Variants in MYO3A observed in about 807,000 individuals in gnomAD.
MYO3A encodes the protein myosin-IIIa.
MYO3A carries 180 observed loss-of-function variants against 192.7 expected under a neutral mutation model. That is an observed-to-expected ratio of 0.93 (90% CI 0.83 to 1.06). MYO3A has a LOEUF of 1.06. Among genes scored for constraint, MYO3A ranks in the 50% least tolerant of loss-of-function variants. The pLI is 0.00. For missense variants in MYO3A, 1,896 were observed against 1,905.0 expected (o/e 1.00, Z 0.09); for synonymous variants, 628 against 645.3 (o/e 0.97, Z 0.41).
chr10:25,948,143 A>C (rs1280406672), intron 2 of MYO3A, among the ~76,000 whole-genome samples: 1 of 152,146 alleles, frequency 6.6e-6, no homozygotes, highest in East Asian at 1.9e-4. Context: ...CTGGAGAAAG[A>C]GCATTCTAGG....
chr10:26,156,300 A>G (rs1841104944), intron 25 of MYO3A, among the ~76,000 whole-genome samples: 1 of 152,206 alleles, frequency 6.6e-6, no homozygotes, highest in Non-Finnish European at 1.5e-5. Context: ...TTATGACTGT[A>G]GGCTCTTACA....
At chr10:26,030,816 G>A (rs1384668959) in intron 10 of MYO3A, among the ~76,000 whole-genome samples, 1 of 152,186 alleles carries the variant, frequency 6.6e-6, no homozygotes, top group East Asian at 1.9e-4. Flanking sequence ...AAACTTCCTT[G>A]TTGAGGAAAA....
chr10:26,134,977 A>G (rs1414989895), intron 20 of MYO3A, among the ~76,000 whole-genome samples: 1 of 152,220 alleles, frequency 6.6e-6, no homozygotes, highest in Non-Finnish European at 1.5e-5. Flanking sequence ...TTCTGTCCAC[A>G]GTCTTAACCA....
At chr10:26,049,800 C>T (rs532562951) in intron 10 of MYO3A, among the ~76,000 whole-genome samples, 16 of 151,198 alleles carry the variant, frequency 1.1e-4, no homozygotes, top group East Asian at 7.9e-4. Flanking sequence ...CTCAGCCTCC[C>T]GAGTAGCTGG....
intron 17 of MYO3A, among the ~76,000 whole-genome samples, chr10:26,115,056 A>G (rs1180692252): frequency 6.6e-6 from 1 of 152,216 alleles, no homozygotes; most frequent in African/African-American, 2.4e-5. Flanking sequence ...TGGAAATGAC[A>G]ATGGACAGGC....
rs145268821 is a variant in MYO3A, at chr10:25,989,903, C to T, written c.304-6587C>T. Among the ~76,000 whole-genome samples, 26 of 152,102 alleles carry T rather than the reference C, an allele frequency of 1.7e-4. 1 individual carries two copies. The highest frequency in any genetic ancestry group is 6.0e-4 in the African/African-American group (25 of 41,468). The stretch of plus-strand genomic sequence containing the variant: ...GGGCAGGGAAACCACAGAAAGGAGC[C>T]GTGGGATGTGTGACAAGGCTGATGG... On this transcript the variant is annotated intron_variant, in intron 4 of 34. Transcript: ENST00000642920.
intron 6 of MYO3A, among the ~76,000 whole-genome samples, chr10:26,012,379 C>G (rs1360241005): frequency 6.6e-6 from 1 of 152,114 alleles, no homozygotes. Context: ...ATTTGATAAA[C>G]TAATTCAGTC....
In MYO3A at chr10:26,153,883, T is replaced by C. The variant is rs777048911; in HGVS notation, c.2669T>C (p.Ile890Thr). 6.3e-7 allele frequency: 1 copy of C among 1,594,822 alleles called. No individual in the cohort carries two copies. The highest frequency in any genetic ancestry group is 8.6e-7 in the Non-Finnish European group (1 of 1,162,746). Residue 890 changes from isoleucine to threonine, a missense_variant, in exon 24 of 35, where the codon ATA becomes ACA. Transcript: ENST00000642920. ...CCACATTCTAAAACTAAAAATGTTA[T>C]AAACTATCAAATGAGGACTTCAGAA... ...NLPHSKTKNV[I>T]NYQMRTSEKL...
In MYO3A at chr10:26,062,654, T is replaced by G. The variant is rs188990074; in HGVS notation, c.954-4321T>G. Among the ~76,000 whole-genome samples, 614 of 152,188 alleles carry G rather than the reference T, an allele frequency of 4.0e-3. 6 individuals carry two copies. The highest frequency in any genetic ancestry group is 0.014 in the African/African-American group (579 of 41,520). ...TAGTTTCTCCCAGTCTGTGGCTTGG[T>G]TTTATTTTCTTAACAAGAAAGCAGC... On this transcript the variant is annotated intron_variant, in intron 10 of 34. Coordinates refer to ENST00000642920, the MANE Select transcript of MYO3A (RefSeq NM_017433.5).
At chr10:26,187,462 C>T (rs1168861845) in intron 31 of MYO3A, among the ~76,000 whole-genome samples, 1 of 151,760 alleles carries the variant, frequency 6.6e-6, no homozygotes, top group Non-Finnish European at 1.5e-5. Flanking sequence ...GTCATCTTCT[C>T]ATGGTCTTCT....
chr10:25,993,437 A>C (rs1224126364), intron 4 of MYO3A, among the ~76,000 whole-genome samples: 1 of 149,388 alleles, frequency 6.7e-6, no homozygotes, highest in Non-Finnish European at 1.5e-5. Flanking sequence ...TCTATTGATG[A>C]TTTTGTTGAT....
chr10:26,173,621 C>T (rs1564619633), intron 29 of MYO3A, 42 bp from the exon 30 acceptor site: 4 of 1,556,492 alleles, frequency 2.6e-6, no homozygotes, highest in Non-Finnish European at 3.5e-6. Context: ...TAATAAGCTC[C>T]AGTTTAGTAC....
At chr10:26,205,481 G>A (rs1449745135) in intron 34 of MYO3A, among the ~76,000 whole-genome samples, 1 of 138,148 alleles carries the variant, frequency 7.2e-6, no homozygotes, top group Non-Finnish European at 1.6e-5. Flanking sequence ...TTTTTTTTTG[G>A]GGGGGGGCTT....
chr10:26,055,586 A>G (rs1469416094), intron 10 of MYO3A, among the ~76,000 whole-genome samples: 1 of 152,208 alleles, frequency 6.6e-6, no homozygotes, highest in Non-Finnish European at 1.5e-5. Flanking sequence ...CCGTACTTTT[A>G]TGGGTTTTAC....
At chr10:26,048,969 G>T (rs1400646356) in intron 10 of MYO3A, among the ~76,000 whole-genome samples, 1 of 152,198 alleles carries the variant, frequency 6.6e-6, no homozygotes, top group African/African-American at 2.4e-5. Context: ...CACAATAGGA[G>T]ATTAAGGGAG....
chr10:26,019,164 A>G (rs1200267458), intron 7 of MYO3A, among the ~76,000 whole-genome samples: 1 of 151,542 alleles, frequency 6.6e-6, no homozygotes, highest in Non-Finnish European at 1.5e-5. Flanking sequence ...CTCCTACTCT[A>G]AGCAACCATT....
intron 10 of MYO3A, among the ~76,000 whole-genome samples, chr10:26,056,251 C>G (rs1834103329): frequency 6.6e-6 from 1 of 151,754 alleles, no homozygotes. Flanking sequence ...AGAAAACAAT[C>G]TCTGAGATAT....
At chr10:26,167,794 G>C in intron 27 of MYO3A, among the ~76,000 whole-genome samples, 1 of 152,112 alleles carries the variant, frequency 6.6e-6, no homozygotes, top group Middle Eastern at 3.2e-3. Context: ...GTTTACCCAT[G>C]GTGCCAAGCT....
intron 20 of MYO3A, among the ~76,000 whole-genome samples, chr10:26,129,308 C>T (rs1317560924): frequency 1.3e-5 from 2 of 152,132 alleles, no homozygotes; most frequent in Non-Finnish European, 2.9e-5. Context: ...TCGATTTTGA[C>T]ATTTCTTAAG....
Sources: allele counts gnomAD v4.1 joint callset (sites outside exome capture counted in the v4.1 genomes callset), GRCh38; gene constraint gnomAD v4.1.1; transcripts MANE v1.5; gene names NCBI Gene and HGNC (gene_info 2026-07-23, HGNC 2026-07-21).